The following LYST variants were observed in gnomAD, a reference collection of about 807,000 sequenced individuals.
LYST encodes lysosomal-trafficking regulator.
A neutral mutation model predicts 413.6 loss-of-function variants in LYST; 192 were observed. That is an observed-to-expected ratio of 0.46 (90% CI 0.41 to 0.52). The LOEUF (loss-of-function observed/expected upper bound fraction) is 0.52. LYST is among the 20% of genes least tolerant of loss of function. The pLI, the probability that LYST is intolerant of heterozygous loss-of-function variation, is 0.00. For missense variants in LYST, 3,815 were observed against 4,499.9 expected (o/e 0.85, Z 4.35); for synonymous variants, 1,525 against 1,567.3 (o/e 0.97, Z 0.64).
In LYST at chr1:235,748,539, A is replaced by T. The variant is rs904969084; in HGVS notation, c.7781-2012T>A. Among the ~76,000 whole-genome samples the T allele has an allele frequency of 4.6e-5, 7 of 152,308 alleles. No individual in the cohort carries two copies. The South Asian group carries it at 1.4e-3, about 32-fold the overall frequency. On this transcript the variant is annotated intron_variant, in intron 28 of 52. Coordinates refer to ENST00000389793, the MANE Select transcript of LYST (RefSeq NM_000081.4). The stretch of plus-strand genomic sequence containing the variant: ...ACCAGAAATAGAAATCAATTTATAA[A>T]CAGTAGGTAGAGCATGATACCATTT...
In LYST at chr1:235,734,549, T is replaced by C. The variant is rs1289427766; in HGVS notation, c.8469A>G (p.Leu2823=). Residue 2823 remains leucine, a synonymous_variant, in exon 32 of 53, where the codon TTA becomes TTG. Transcript: ENST00000389793. Reference sequence around the variant, plus strand: ...TGGGAGGGATGCACTTGTGACCACATAACTTCAAAGCATTCATAAGCAGTT... The same window carrying C: ...TGGGAGGGATGCACTTGTGACCACACAACTTCAAAGCATTCATAAGCAGTT... ...TAELLMNALK[L]CGHKCIPPSA... is the part of the protein sequence containing the mutation. The C allele has an allele frequency of 6.2e-7, 1 of 1,613,758 alleles. No individual in the cohort carries two copies. The highest frequency in any genetic ancestry group is 8.5e-7 in the Non-Finnish European group (1 of 1,179,666).
At chr1:235,683,610 A>G (rs1659996486) in intron 48 of LYST, among the ~76,000 whole-genome samples, 1 of 152,230 alleles carries the variant, frequency 6.6e-6, no homozygotes, top group Admixed American at 6.5e-5. Flanking sequence ...CTAGCTAAGG[A>G]AGGCATTTCC....
In LYST at chr1:235,791,762, CT is replaced by C; in HGVS notation, c.4479del (p.Gly1494GlufsTer4). On this transcript the variant is annotated frameshift_variant, in exon 12 of 53. Coordinates refer to ENST00000389793, the MANE Select transcript of LYST (RefSeq NM_000081.4). LOFTEE classifies it high-confidence loss of function. ...TTGTTTCTTTTCTTTATCTTCTTTC[CT>C]TTTTCTGTAGTACTCTCAGCTTCAT... ...CIHEAESTTE[K>X]GKKIKKRNKS... 2 of 1,613,490 alleles carry C rather than the reference CT, an allele frequency of 1.2e-6. No homozygotes were observed. The highest frequency in any genetic ancestry group is 1.7e-6 in the Non-Finnish European group (2 of 1,179,488).
In LYST at chr1:235,799,928, C is replaced by CTTTTTTTTT. The variant is rs67988872; in HGVS notation, c.4006+383_4006+391dup. 4.7e-5 allele frequency among the ~76,000 whole-genome samples: 3 copies of CTTTTTTTTT among 63,482 alleles called. 1 individual carries two copies. The highest frequency in any genetic ancestry group is 8.5e-5 in the Non-Finnish European group (3 of 35,146). 41.6% of individuals were successfully genotyped at this position (63,482 alleles called of 152,430 possible). A position where few individuals can be genotyped will look rare whatever the true frequency, so the allele number is the denominator to read the frequency against. On this transcript the variant is annotated intron_variant, in intron 10 of 52. Transcript: ENST00000389793. ...CACAGAGCACTATGCCAATGGAAGC[C>CTTTTTTTTT]TTTTTTTTTTTTTTTTTTTTTTTTT...
intron 38 of LYST, 72 bp downstream of exon 38, chr1:235,728,004 A>T: frequency 9.5e-7 from 1 of 1,057,346 alleles, no homozygotes; most frequent in Non-Finnish European, 1.5e-6. Context: ...CCTTCTCTCT[A>T]GTTATACTGA....
chr1:235,818,960 C>G (rs1674456242), intron 3 of LYST, among the ~76,000 whole-genome samples: 1 of 152,224 alleles, frequency 6.6e-6, no homozygotes, highest in Non-Finnish European at 1.5e-5. Context: ...GGAGCTTCTC[C>G]TCCCACACGA....
At chr1:235,751,158 A>T in intron 28 of LYST, 52 bp downstream of exon 28, 1 of 1,526,988 alleles carries the variant, frequency 6.5e-7, no homozygotes, top group Admixed American at 1.7e-5. Context: ...GAACATAGGA[A>T]AGTCAAGCTA....
At chr1:235,761,018 C>T (rs2103362028) in intron 22 of LYST, among the ~76,000 whole-genome samples, 1 of 152,212 alleles carries the variant, frequency 6.6e-6, no homozygotes, top group Admixed American at 6.5e-5. Context: ...CTTTGGGAGG[C>T]AGAGGTGGGT....
chr1:235,810,163 T>G lies in LYST; in HGVS notation c.655A>C (p.Met219Leu). 6.2e-7 allele frequency: 1 copy of G among 1,614,164 alleles called. No individual in the cohort carries two copies. The highest frequency in any genetic ancestry group is 1.3e-5 in the African/African-American group (1 of 75,046). ...ATCTCTCTGGAATTTTCCAAAGCCATAGCATCTGGAGGAGTCTGTTCTTTG... is the reference window on the plus strand; with the variant it reads ...ATCTCTCTGGAATTTTCCAAAGCCAGAGCATCTGGAGGAGTCTGTTCTTTG... ...ATKEQTPPDA[M>L]ALENSREIIP... is the part of the protein sequence containing the mutation. The change falls in exon 5 of 53, where the codon ATG becomes CTG. Residue 219 changes from methionine (M) to leucine (L), a missense_variant. Coordinates refer to ENST00000389793, the MANE Select transcript of LYST (RefSeq NM_000081.4).
At chr1:235,858,230 G>A (rs1382457925) in intron 1 of LYST, among the ~76,000 whole-genome samples, 3 of 152,180 alleles carry the variant, frequency 2.0e-5, no homozygotes, top group Non-Finnish European at 4.4e-5. Context: ...CAGGTACTTC[G>A]TAGCTGTGAG....
intron 7 of LYST, 39 bp downstream of exon 7, chr1:235,804,465 T>C: frequency 1.3e-6 from 2 of 1,545,766 alleles, no homozygotes; most frequent in Non-Finnish European, 1.8e-6. Flanking sequence ...CCTCTGCTGG[T>C]CATACCCAAA....
chr1:235,805,885 G>A lies in LYST; in HGVS notation c.3251C>T (p.Ala1084Val), dbSNP rs1332295277. The change falls in exon 6 of 53, where the codon GCT becomes GTT. Residue 1084 changes from alanine (A) to valine (V), a missense_variant. Ala to Val is a moderately conservative substitution (Grantham distance 64). This residue lies in a region of LYST where 1,648 missense variants were observed against 1,810.3 expected (regional missense o/e 0.91). Transcript: ENST00000389793. ...TGTAAATAGCTTTGCTTCCTCGGGAGCGGCTTCAGTAGCTGAAACTTCTTC... is the reference window on the plus strand; with the variant it reads ...TGTAAATAGCTTTGCTTCCTCGGGAACGGCTTCAGTAGCTGAAACTTCTTC... Reference protein sequence around the residue: ...NVEEVSATEAAPEEAKLFTSQ... With the variant: ...NVEEVSATEAVPEEAKLFTSQ... 1 of 1,613,858 alleles carries A rather than the reference G, an allele frequency of 6.2e-7. No individual in the cohort carries two copies. Among genetic ancestry groups the A allele is most frequent in the East Asian group, 2.2e-5 (1 of 44,832 alleles).
At chr1:235,826,900 C>A (rs988137425) in intron 3 of LYST, among the ~76,000 whole-genome samples, 1 of 150,886 alleles carries the variant, frequency 6.6e-6, no homozygotes, top group Non-Finnish European at 1.5e-5. Context: ...CCAGGCTGGT[C>A]TCGAACTCCA....
At chr1:235,689,023 T>TAATAATAAC (rs1660439061) in intron 47 of LYST, among the ~76,000 whole-genome samples, 2 of 76,548 alleles carry the variant, frequency 2.6e-5, no homozygotes, top group African/African-American at 7.6e-5. Context: ...ATAATAATAA[T>TAATAATAAC]AATAACAACA....
intron 31 of LYST, chr1:235,735,589 G>A (rs1664753307): frequency 6.6e-6 from 1 of 151,956 alleles, no homozygotes; most frequent in Non-Finnish European, 1.5e-5. Context: ...CAATAATGTT[G>A]CCAACAAGTT....
At chr1:235,787,177 C>A in intron 14 of LYST, 23 bp downstream of exon 14, 2 of 1,578,774 alleles carry the variant, frequency 1.3e-6, no homozygotes, top group Non-Finnish European at 1.7e-6. Context: ...GATTGAGATG[C>A]ATTTTCTCAA....
Position 235,810,112 on chromosome 1 carries a change from C to T in LYST, c.706G>A (p.Asp236Asn). 1 of 1,614,102 alleles carries T rather than the reference C, an allele frequency of 6.2e-7. No homozygotes were observed. Among genetic ancestry groups the T allele is most frequent in the Non-Finnish European group, 8.5e-7 (1 of 1,179,986 alleles). The change falls in exon 5 of 53, where the codon GAC becomes AAC. Residue 236 changes from aspartate to asparagine, a missense_variant. Physicochemically the swap from Asp to Asn is conservative, Grantham distance 23 (BLOSUM62 1). Coordinates refer to ENST00000389793, the MANE Select transcript of LYST (RefSeq NM_000081.4). ...AAGGCAGCTGGCTCACTTAAAATGT[C>T]AGTGTTTGACCCCTGTCTTGGAATA... ...EIIPRQGSNT[D>N]ILSEPAALSV...
chr1:235,788,586 T>C, intron 13 of LYST, 115 bp downstream of exon 13: 1 of 922,422 alleles, frequency 1.1e-6, no homozygotes, highest in Non-Finnish European at 1.7e-6. Flanking sequence ...TATTTTTAAA[T>C]GAGACTTTTT....
At chr1:235,725,942 A>C (rs1185577382) in intron 38 of LYST, among the ~76,000 whole-genome samples, 1 of 152,158 alleles carries the variant, frequency 6.6e-6, no homozygotes, top group Non-Finnish European at 1.5e-5. Flanking sequence ...CCCAAAGTAC[A>C]AAATCAAGAA....
Sources: allele counts gnomAD v4.1 joint callset (sites outside exome capture counted in the v4.1 genomes callset), GRCh38; gene constraint gnomAD v4.1.1; regional missense constraint gnomAD v4.1.1; transcripts MANE v1.5; gene names NCBI Gene and HGNC (gene_info 2026-07-23, HGNC 2026-07-21).